Variants in PXDN observed in about 807,000 individuals in gnomAD.
PXDN encodes the protein peroxidasin, also known as peroxidasin homolog.
Under a neutral mutation model 140.3 loss-of-function variants are expected in PXDN, and 77 were observed. The ratio of observed to expected loss-of-function variants is 0.55; its 90% CI spans 0.46 to 0.66. PXDN has a LOEUF of 0.66. Among genes scored for constraint, PXDN ranks in the 30% least tolerant of loss-of-function variants. PXDN has a pLI of 0.00. For missense variants in PXDN, 1,838 were observed against 2,039.5 expected (o/e 0.90, Z 1.90); for synonymous variants, 911 against 857.4 (o/e 1.06, Z -1.09).
At chr2:1,636,636 A>G (rs937842649) in intron 21 of PXDN, 3 of 149,504 alleles carry the variant, frequency 2.0e-5, no homozygotes, top group Non-Finnish European at 4.4e-5. Flanking sequence ...TGCCTCATTC[A>G]TTAGCAACTG....
rs368052962 is a variant in PXDN at position 1,722,565 on chromosome 2, G to A, written c.200+21691C>T. 8.5e-5 allele frequency among the ~76,000 whole-genome samples: 13 copies of A among 152,314 alleles called. 1 individual carries two copies. The East Asian group carries it at 2.5e-3, about 29-fold the overall frequency. On this transcript the variant is annotated intron_variant, in intron 1 of 22. Transcript: ENST00000252804. ...AAAAGACTGCTAGACACAGAACTCT[G>A]AGGAACTTCCCAGCAAAGGAGGCTT...
At chr2:1,655,349 CACAT>C (rs1163133808) in intron 14 of PXDN, among the ~76,000 whole-genome samples, 4 of 150,840 alleles carry the variant, frequency 2.7e-5, no homozygotes, top group African/African-American at 9.8e-5. Context: ...ACACACACCA[CACAT>C]ATAGTACATT....
intron 15 of PXDN, 106 bp downstream of exon 15, chr2:1,654,294 C>G: frequency 1.4e-6 from 1 of 730,970 alleles, no homozygotes; most frequent in Non-Finnish European, 2.2e-6. Context: ...ATCAGATAAT[C>G]AAATCAAAAT....
intron 17 of PXDN, among the ~76,000 whole-genome samples, chr2:1,647,870 G>T (rs929488532): frequency 2.6e-5 from 4 of 152,192 alleles, no homozygotes; most frequent in Non-Finnish European, 4.4e-5. Flanking sequence ...TGCCAGAAAA[G>T]TATAGCTCAT....
intron 1 of PXDN, among the ~76,000 whole-genome samples, chr2:1,715,582 C>A (rs548204219): frequency 1.3e-5 from 2 of 152,218 alleles, no homozygotes; most frequent in Non-Finnish European, 2.9e-5. Context: ...TCGTCCCCAG[C>A]ATCCCAGAAG....
In PXDN at chr2:1,744,477, C is replaced by G; in HGVS notation, c.-22G>C. 7.0e-7 allele frequency: 1 copy of G among 1,428,644 alleles called. No homozygotes were observed. The highest frequency in any genetic ancestry group is 9.1e-7 in the Non-Finnish European group (1 of 1,099,836). The allele number at this position is 1,428,644 out of a possible 1,614,324, so 88.5% of individuals were successfully genotyped here. ...CCATGGCCGACGGCGCGGACGGACG[C>G]TCGGACGCACGGAGCCACCACGGCC... On this transcript the variant is annotated 5_prime_UTR_variant, in exon 1 of 23. Transcript: ENST00000252804.
chr2:1,706,001 A>AC (rs113873158), intron 1 of PXDN, among the ~76,000 whole-genome samples: 87,198 of 151,270 alleles, frequency 0.58, 26,134 homozygotes, highest in African/African-American at 0.76. Flanking sequence ...TGGCTTGGAC[A>AC]CCGTCAAGGC....
intron 1 of PXDN, among the ~76,000 whole-genome samples, chr2:1,728,211 T>G (rs1045936795): frequency 3.3e-5 from 5 of 152,232 alleles, no homozygotes; most frequent in African/African-American, 9.6e-5. Flanking sequence ...GTGCTGGGAT[T>G]ACAAGCGTGA....
chr2:1,661,133 T>A, intron 13 of PXDN, 96 bp from the exon 14 acceptor site: 1 of 1,441,488 alleles, frequency 6.9e-7, no homozygotes, highest in Non-Finnish European at 9.5e-7. Context: ...TTTGTTAGGA[T>A]TTGCAAATGG....
chr2:1,653,909 A>G (rs1342087605), intron 15 of PXDN, 124 bp from the exon 16 acceptor site: 4 of 1,195,114 alleles, frequency 3.3e-6, no homozygotes, highest in Non-Finnish European at 4.6e-6. Flanking sequence ...AACATAATGT[A>G]CTATACCTTC....
intron 9 of PXDN, among the ~76,000 whole-genome samples, chr2:1,667,536 T>C (rs1683474473): frequency 1.3e-5 from 2 of 152,178 alleles, no homozygotes; most frequent in South Asian, 4.1e-4. Context: ...ACGACATGAT[T>C]GCATATTTAG....
In PXDN at chr2:1,666,426, G is replaced by A. The variant is rs746584021; in HGVS notation, c.1079C>T (p.Thr360Met). 1.9e-6 allele frequency: 3 copies of A among 1,613,414 alleles called. No homozygotes were observed. Among genetic ancestry groups the A allele is most frequent in the African/African-American group, 1.3e-5 (1 of 75,046 alleles). The change falls in exon 10 of 23, where the codon ACG becomes ATG. Residue 360 changes from threonine to methionine, a missense_variant. Around this residue, in one of 5 missense-constraint regions of PXDN, gnomAD observed 208 missense variants for 325.8 expected, o/e 0.64. Transcript: ENST00000252804. ...GTGGCCTGTGGCGCTGCACTCCAGC[G>A]TGACGCTCTCCCCAACCAGCACCTC... ...NTEVLVGESV[T>M]LECSATGHPP...
chr2:1,664,949 G>T lies in PXDN; in HGVS notation c.1408+9C>A. On this transcript the variant is annotated intron_variant, in intron 11 of 22. Transcript: ENST00000252804. ...GAGGGAGCAGGCAAAGGGCCGGCCT[G>T]GGTCTTACCTCCCTTGGTCCAGGCG... is the stretch of plus-strand genomic sequence containing the variant. The T allele has an allele frequency of 6.3e-7, 1 of 1,586,802 alleles. No individual in the cohort carries two copies. The highest frequency in any genetic ancestry group is 8.6e-7 in the Non-Finnish European group (1 of 1,158,140).
chr2:1,696,269 T>C (rs1684299452), intron 1 of PXDN, among the ~76,000 whole-genome samples: 1 of 152,228 alleles, frequency 6.6e-6, no homozygotes, highest in Non-Finnish European at 1.5e-5. Context: ...GTAGTTCTCA[T>C]CACATTTCTG....
intron 1 of PXDN, among the ~76,000 whole-genome samples, chr2:1,737,431 T>A (rs1220351316): frequency 6.6e-6 from 1 of 152,202 alleles, no homozygotes. Flanking sequence ...TCAGCTTCAG[T>A]TTACATTGCA....
At chr2:1,680,054 G>T in intron 7 of PXDN, 139 bp downstream of exon 7, 2 of 1,096,772 alleles carry the variant, frequency 1.8e-6, no homozygotes, top group East Asian at 2.6e-5. Context: ...TTGTGTCTGC[G>T]CGTGTGTCTA....
upstream of PXDN, chr2:1,744,755 C>G (rs969114925): frequency 2.7e-5 from 7 of 255,526 alleles, no homozygotes; most frequent in Non-Finnish European, 3.7e-5. Context: ...GCTCGAGACT[C>G]GGGGCTCGGG....
At chr2:1,662,788 C>T (rs1376836706) in intron 12 of PXDN, among the ~76,000 whole-genome samples, 4 of 152,202 alleles carry the variant, frequency 2.6e-5, no homozygotes, top group Admixed American at 2.6e-4. Context: ...AGCCTACTGA[C>T]AACAGGCAGA....
intron 1 of PXDN, among the ~76,000 whole-genome samples, chr2:1,711,681 C>T (rs577283690): frequency 1.3e-5 from 2 of 149,444 alleles, no homozygotes; most frequent in East Asian, 1.9e-4. Context: ...CAGCACCTGC[C>T]GAACCACTAG....
Sources: allele counts gnomAD v4.1 joint callset (sites outside exome capture counted in the v4.1 genomes callset), GRCh38; gene constraint gnomAD v4.1.1; regional missense constraint gnomAD v4.1.1; transcripts MANE v1.5; gene names NCBI Gene and HGNC (gene_info 2026-07-23, HGNC 2026-07-21).